HEATR5A: variants seen among roughly 807,000 people sequenced by gnomAD.
HEATR5A encodes HEAT repeat-containing protein 5A.
In HEATR5A, 178 loss-of-function variants were observed where a neutral mutation model predicts 218.8. The observed-to-expected ratio is 0.81, with a 90% CI of 0.72 to 0.92. The LOEUF is 0.92. Among genes scored for constraint, HEATR5A ranks in the 40% least tolerant of loss-of-function variants. HEATR5A has a pLI of 0.00. For missense variants in HEATR5A, 2,420 were observed against 2,418.9 expected, an observed-to-expected ratio of 1.00 and a Z score of -0.01; for synonymous variants, 864 against 871.6, an observed-to-expected ratio of 0.99 and a Z score of 0.15.
chr14:31,386,209 G>C (rs1030804362), intron 9 of HEATR5A, among the ~76,000 whole-genome samples: 1 of 151,966 alleles, frequency 6.6e-6, no homozygotes. Context: ...CTAAATGGGG[G>C]GTAGGGTGCA....
intron 22 of HEATR5A, among the ~76,000 whole-genome samples, chr14:31,333,512 A>G (rs1900547296): frequency 6.6e-6 from 1 of 152,012 alleles, no homozygotes; most frequent in Non-Finnish European, 1.5e-5. Context: ...TCGGCCTTCC[A>G]AAGTGTTGGG....
Position 31,394,121 on chromosome 14 carries a change from G to A in HEATR5A, c.703C>T (p.Arg235Trp), listed in dbSNP as rs575342566. 24 of 1,534,732 alleles carry A rather than the reference G, an allele frequency of 1.6e-5. No homozygotes were observed. Among genetic ancestry groups the A allele is most frequent in the Middle Eastern group, 1.7e-4 (1 of 6,008 alleles). The change falls in exon 6 of 36, where the codon CGG (arginine) becomes TGG (tryptophan). Residue 235 changes from arginine to tryptophan, a missense_variant. Transcript: ENST00000543095. ...CCTAGTAACTTTGAAACAGAAATCC[G>A]CACATCATAATTGGAACCTTCAAAG... The part of the protein sequence containing the change: ...KSFEGSNYDV[R>W]ISVSKLLGII...
At chr14:31,381,801 T>A (rs2029997009) in intron 10 of HEATR5A, among the ~76,000 whole-genome samples, 1 of 152,120 alleles carries the variant, frequency 6.6e-6, no homozygotes, top group Non-Finnish European at 1.5e-5. Context: ...AAGGGGTCCA[T>A]GTTATAAAAC....
At chr14:31,330,982 C>G (rs1414127587) in intron 22 of HEATR5A, among the ~76,000 whole-genome samples, 9 of 142,946 alleles carry the variant, frequency 6.3e-5, no homozygotes, top group African/African-American at 2.3e-4. Flanking sequence ...CACTTTGTCG[C>G]CCAGGCTGGA....
At chr14:31,401,121 T>C (rs183934940) in intron 2 of HEATR5A, among the ~76,000 whole-genome samples, 1 of 152,126 alleles carries the variant, frequency 6.6e-6, no homozygotes, top group Admixed American at 6.6e-5. Flanking sequence ...TTACAGGCGT[T>C]AGCCACCGCG....
At chr14:31,363,002 T>G (rs1901676059) in intron 14 of HEATR5A, among the ~76,000 whole-genome samples, 1 of 151,754 alleles carries the variant, frequency 6.6e-6, no homozygotes, top group Non-Finnish European at 1.5e-5. Context: ...TTTGGGAGGC[T>G]GAGGAGGATG....
At position 31,293,131 on chromosome 14, in the gene HEATR5A, A is replaced by ACG. The variant is rs371661207; in HGVS notation, c.*172_*173dup. ...CAAAACAAAACAAAACACAAACCCC[A>ACG]CGCACACACACAAAAATGTTAAGTA... On this transcript the variant is annotated 3_prime_UTR_variant, in exon 36 of 36. Transcript: ENST00000543095. 776 of 504,550 alleles carry ACG rather than the reference A, an allele frequency of 1.5e-3. 1 individual carries two copies. The highest frequency in any genetic ancestry group is 0.014 in the African/African-American group (708 of 51,086). 31.3% of individuals were successfully genotyped at this position (504,550 alleles called of 1,614,324 possible).
intron 3 of HEATR5A, among the ~76,000 whole-genome samples, chr14:31,399,492 TTC>T (rs757243538): frequency 6.6e-6 from 1 of 152,196 alleles, no homozygotes; most frequent in Non-Finnish European, 1.5e-5. Flanking sequence ...GGGGAATACA[TTC>T]TGTTATAAGG....
chr14:31,334,017 G>A (rs1419905250), intron 22 of HEATR5A, among the ~76,000 whole-genome samples: 2 of 115,044 alleles, frequency 1.7e-5, no homozygotes, highest in South Asian at 3.0e-4. Flanking sequence ...CAGCCAGGGC[G>A]ACAGAGACAG....
chr14:31,391,158 C>T (rs531408307), intron 6 of HEATR5A, among the ~76,000 whole-genome samples: 16 of 152,244 alleles, frequency 1.1e-4, no homozygotes, highest in African/African-American at 3.6e-4. Flanking sequence ...ACGTTTTAAG[C>T]TAAATGTTAC....
rs774812885 is a variant in HEATR5A, at chr14:31,387,253, G to C, written c.1056C>G (p.Ile352Met). 1 of 1,613,952 alleles carries C rather than the reference G, an allele frequency of 6.2e-7. No individual in the cohort carries two copies. The highest frequency in any genetic ancestry group is 1.3e-5 in the African/African-American group (1 of 75,018). ...PSHPKATQTQ[I>M]DAVCCRRCVS... Reference sequence around the variant, plus strand: ...CACAACGGCGACAGCAGACGGCATCGATCTGAGTTTGGGTGGCTTTAGGGT... The same window carrying C: ...CACAACGGCGACAGCAGACGGCATCCATCTGAGTTTGGGTGGCTTTAGGGT... Residue 352 changes from isoleucine to methionine, a missense_variant, in exon 8 of 36, where the codon ATC becomes ATG. By Grantham distance (10) the Ile-to-Met change is conservative (BLOSUM62 1). Coordinates refer to ENST00000543095, the MANE Select transcript of HEATR5A (RefSeq NM_015473.4).
chr14:31,387,339 A>T lies in HEATR5A; in HGVS notation c.970T>A (p.Trp324Arg), dbSNP rs769825428. ...VVFVSTLGGAWLEKNFAAFFS... is the reference protein window; with the variant it reads ...VVFVSTLGGARLEKNFAAFFS... ...AAGGCAGCAAAATTTTTCTCTAGCCAAGCTCCTCCTAGTGTTGAAACAAAT... is the reference window on the plus strand; with the variant it reads ...AAGGCAGCAAAATTTTTCTCTAGCCTAGCTCCTCCTAGTGTTGAAACAAAT... Residue 324 changes from tryptophan (W) to arginine (R), a missense_variant, in exon 8 of 36, where the codon TGG becomes AGG. Transcript: ENST00000543095. 1 of 1,613,756 alleles carries T rather than the reference A, an allele frequency of 6.2e-7. No individual in the cohort carries two copies. The highest frequency in any genetic ancestry group is 2.2e-5 in the East Asian group (1 of 44,888).
chr14:31,309,485 G>A (rs997141084), intron 28 of HEATR5A, among the ~76,000 whole-genome samples: 5 of 152,074 alleles, frequency 3.3e-5, no homozygotes, highest in African/African-American at 1.2e-4. Context: ...TGTGTTATCA[G>A]TATTTTGTTA....
At position 31,349,789 on chromosome 14, in the gene HEATR5A, T is replaced by C; in HGVS notation, c.2708A>G (p.Lys903Arg). ...AATATTAAATAAGAAATTCACTTAC[T>C]TGTCAAAGCTAACTTGAGCTAATCC... ...TAGLAQVSFD[K>R]LKSARDVVTR... The change falls in exon 18 of 36, where the codon AAA (lysine) becomes AGA (arginine). Residue 903 changes from lysine (K) to arginine (R), a missense_variant and splice_region_variant. Coordinates refer to ENST00000543095, the MANE Select transcript of HEATR5A (RefSeq NM_015473.4). 1 of 1,605,908 alleles carries C rather than the reference T, an allele frequency of 6.2e-7. No homozygotes were observed. Among genetic ancestry groups the C allele is most frequent in the Non-Finnish European group, 8.5e-7 (1 of 1,173,350 alleles).
At chr14:31,344,470 G>C (rs2139206675) in intron 20 of HEATR5A, among the ~76,000 whole-genome samples, 1 of 140,210 alleles carries the variant, frequency 7.1e-6, no homozygotes, top group South Asian at 2.5e-4. Flanking sequence ...AGCAGAGACG[G>C]GGTTTCACCA....
At chr14:31,340,091 C>T (rs1331023351) in intron 21 of HEATR5A, among the ~76,000 whole-genome samples, 2 of 152,114 alleles carry the variant, frequency 1.3e-5, no homozygotes, top group Admixed American at 1.3e-4. Context: ...TGTCATTCTC[C>T]AGCATTTATA....
chr14:31,293,967 GT>G lies in HEATR5A; in HGVS notation c.5756del (p.Asn1919ThrfsTer12). The G allele has an allele frequency of 6.2e-7, 1 of 1,607,050 alleles. No homozygotes were observed. Among genetic ancestry groups the G allele is most frequent in the Non-Finnish European group, 8.5e-7 (1 of 1,176,532 alleles). On this transcript the variant is annotated frameshift_variant, in exon 35 of 36. Coordinates refer to ENST00000543095, the MANE Select transcript of HEATR5A (RefSeq NM_015473.4). LOFTEE classifies it high-confidence loss of function. The part of the protein sequence containing the change: ...LQEIDKRKPE[N>X]TAELEIFQEG... ...CTTGGAAGATCTCAAGCTCAGCAGT[GT>G]TTTCAGGTTTTCTCTTGTCTATTTC...
chr14:31,395,452 T>TGG, intron 4 of HEATR5A, 104 bp from the exon 5 acceptor site: 1 of 530,974 alleles, frequency 1.9e-6, no homozygotes, highest in Non-Finnish European at 3.2e-6. Context: ...TCCAGACTTC[T>TGG]CTACATACTA....
At position 31,343,128 on chromosome 14, in the gene HEATR5A, G is replaced by A. The variant is rs976266533; in HGVS notation, c.3228+768C>T. On this transcript the variant is annotated intron_variant, in intron 21 of 35. Transcript: ENST00000543095. ...TTTCCTGAGACGGAGTTTCACTCTTGTTGCCCAGGCTGGAGTGCCAATGGC... is the reference window on the plus strand; with the variant it reads ...TTTCCTGAGACGGAGTTTCACTCTTATTGCCCAGGCTGGAGTGCCAATGGC... Among the ~76,000 whole-genome samples the A allele has an allele frequency of 2.2e-5, 3 of 135,332 alleles. No homozygotes were observed. The East Asian group carries it at 6.3e-4, about 28-fold the overall frequency. The allele number at this position is 135,332 out of a possible 152,430, so 88.8% of individuals were successfully genotyped here.
Sources: allele counts gnomAD v4.1 joint callset (sites outside exome capture counted in the v4.1 genomes callset), GRCh38; gene constraint gnomAD v4.1.1; transcripts MANE v1.5; gene names NCBI Gene and HGNC (gene_info 2026-07-23, HGNC 2026-07-21).